Variants in CRACDL observed in about 807,000 individuals in gnomAD.
CRACDL encodes the protein CRACD like, also known as CRACD-like protein.
A neutral mutation model predicts 70.6 loss-of-function variants in CRACDL; 26 were observed. The observed-to-expected ratio is 0.37, with a 90% CI of 0.27 to 0.51. CRACDL has a LOEUF of 0.51. CRACDL is among the 20% of genes least tolerant of loss of function. The pLI is 0.94. For missense variants in CRACDL, 1,283 were observed against 1,376.9 expected (o/e 0.93, Z 1.08); for synonymous variants, 618 against 615.2 (o/e 1.00, Z -0.07).
At chr2:98,850,758 C>T (rs1000123827) in intron 1 of CRACDL, among the ~76,000 whole-genome samples, 1 of 152,210 alleles carries the variant, frequency 6.6e-6, no homozygotes, top group African/African-American at 2.4e-5. Context: ...TCTGGGCACC[C>T]ACAGAATCCA....
chr2:98,915,280 A>G (rs1298246868), intron 1 of CRACDL, among the ~76,000 whole-genome samples: 1 of 152,232 alleles, frequency 6.6e-6, no homozygotes, highest in Non-Finnish European at 1.5e-5. Flanking sequence ...GGAACAGCAC[A>G]GGCTAAGTCC....
At chr2:98,892,815 T>C (rs1708013527) in intron 1 of CRACDL, among the ~76,000 whole-genome samples, 1 of 152,214 alleles carries the variant, frequency 6.6e-6, no homozygotes, top group South Asian at 2.1e-4. Context: ...TATATGTAAA[T>C]GTAGCCAGTG....
chr2:98,917,074 C>T (rs1708684925), intron 1 of CRACDL, among the ~76,000 whole-genome samples: 1 of 152,226 alleles, frequency 6.6e-6, no homozygotes, highest in South Asian at 2.1e-4. Flanking sequence ...CATGGGCCTT[C>T]TTCTCCCTCC....
intron 9 of CRACDL, among the ~76,000 whole-genome samples, chr2:98,795,394 G>T (rs1215030318): frequency 6.6e-6 from 1 of 151,914 alleles, no homozygotes; most frequent in Non-Finnish European, 1.5e-5. Flanking sequence ...TTTAAATACT[G>T]ATACATGCAA....
intron 2 of CRACDL, among the ~76,000 whole-genome samples, chr2:98,846,122 A>AT (rs1056909637): frequency 1.3e-5 from 2 of 152,160 alleles, no homozygotes; most frequent in African/African-American, 2.4e-5. Flanking sequence ...GGGGAGATTA[A>AT]TTTTTTAATG....
At chr2:98,901,754 AC>A (rs887880871) in intron 1 of CRACDL, among the ~76,000 whole-genome samples, 4 of 152,058 alleles carry the variant, frequency 2.6e-5, no homozygotes, top group African/African-American at 7.3e-5. Flanking sequence ...AATTGAGTGA[AC>A]CCCCCTGGGT....
At position 98,801,502 on chromosome 2, in the gene CRACDL, TAGG is replaced by T. The variant is rs1417299942; in HGVS notation, c.2417-3968_2417-3966del. 1.2e-4 allele frequency among the ~76,000 whole-genome samples: 18 copies of T among 152,366 alleles called. 1 individual carries two copies. In the South Asian group the frequency reaches 3.1e-3, roughly 26 times the overall value. On this transcript the variant is annotated intron_variant, in intron 7 of 9. Transcript: ENST00000397899. ...GCCACTCTGCTCTGTGGCAGGGGCC[TAGG>T]AGGCCTCTCTGAACTGTATGCTTGT...
chr2:98,862,620 G>T (rs528059850), intron 1 of CRACDL, among the ~76,000 whole-genome samples: 4 of 152,252 alleles, frequency 2.6e-5, no homozygotes, highest in African/African-American at 7.2e-5. Flanking sequence ...AATCTGGGAG[G>T]TGAAAAGAAC....
At chr2:98,829,651 G>A (rs1186464447) in intron 5 of CRACDL, among the ~76,000 whole-genome samples, 3 of 152,186 alleles carry the variant, frequency 2.0e-5, no homozygotes, top group African/African-American at 7.2e-5. Flanking sequence ...TCTAGCATGT[G>A]TCTCTCTGTT....
At chr2:98,895,312 G>A (rs1204805387) in intron 1 of CRACDL, among the ~76,000 whole-genome samples, 1 of 152,184 alleles carries the variant, frequency 6.6e-6, no homozygotes, top group Admixed American at 6.5e-5. Flanking sequence ...ACACACAGTT[G>A]GGCAGGTGCT....
At chr2:98,925,077 C>A (rs1385974081) in intron 1 of CRACDL, among the ~76,000 whole-genome samples, 1 of 152,198 alleles carries the variant, frequency 6.6e-6, no homozygotes, top group African/African-American at 2.4e-5. Context: ...CCTTCCCCTT[C>A]TCTCCTGTGG....
intron 9 of CRACDL, among the ~76,000 whole-genome samples, chr2:98,795,356 G>A (rs1006254076): frequency 1.3e-5 from 2 of 151,948 alleles, no homozygotes; most frequent in African/African-American, 2.4e-5. Flanking sequence ...GATTACAAGC[G>A]TAAGCCATGG....
At position 98,865,175 on chromosome 2, in the gene CRACDL, C is replaced by T. The variant is rs548304919; in HGVS notation, c.-10-18365G>A. Among the ~76,000 whole-genome samples, 134 of 152,184 alleles carry T rather than the reference C, an allele frequency of 8.8e-4. 1 individual carries two copies. The highest frequency in any genetic ancestry group is 3.0e-3 in the African/African-American group (125 of 41,532). On this transcript the variant is annotated intron_variant, in intron 1 of 9. Transcript: ENST00000397899. ...TGCTCTCCCTCCACCAATAGCACTC[C>T]GTTTCCTTCCAGCTTGGAGCCTTTG...
intron 1 of CRACDL, among the ~76,000 whole-genome samples, chr2:98,894,377 C>T (rs748340396): frequency 1.3e-5 from 2 of 151,848 alleles, no homozygotes; most frequent in African/African-American, 4.8e-5. Context: ...AACACAACCA[C>T]ACCACATAAA....
At chr2:98,894,855 C>T (rs898117654) in intron 1 of CRACDL, among the ~76,000 whole-genome samples, 1 of 152,064 alleles carries the variant, frequency 6.6e-6, no homozygotes, top group African/African-American at 2.4e-5. Context: ...TCTGTAATCT[C>T]AGCACTTTGG....
Position 98,936,046 on chromosome 2 carries a change from C to A in CRACDL, c.-119G>T, listed in dbSNP as rs1307639663. 4 of 152,008 alleles carry A rather than the reference C, an allele frequency of 2.6e-5. No individual in the cohort carries two copies. The highest frequency in any genetic ancestry group is 9.7e-5 in the African/African-American group (4 of 41,442). The allele number at this position is 152,008 out of a possible 1,614,324, so 9.4% of individuals were successfully genotyped here. On this transcript the variant is annotated 5_prime_UTR_variant, in exon 1 of 10. Transcript: ENST00000397899. ...CGCCGCGGTGCGCGTCTAGCCCCAG[C>A]CCAAAGCCGGGGCGACGCAGCAGGT...
intron 1 of CRACDL, among the ~76,000 whole-genome samples, chr2:98,929,192 G>T (rs908361686): frequency 6.6e-6 from 1 of 152,222 alleles, no homozygotes; most frequent in Non-Finnish European, 1.5e-5. Context: ...GGAGCCAGGA[G>T]GGAGGTGTTA....
chr2:98,856,803 G>A (rs1354556001), intron 1 of CRACDL, among the ~76,000 whole-genome samples: 1 of 152,174 alleles, frequency 6.6e-6, no homozygotes, highest in Non-Finnish European at 1.5e-5. Flanking sequence ...GCAACCAGGT[G>A]TACCAGTGTG....
At chr2:98,847,408 C>T (rs1224786178) in intron 1 of CRACDL, among the ~76,000 whole-genome samples, 2 of 152,060 alleles carry the variant, frequency 1.3e-5, no homozygotes, top group Admixed American at 6.5e-5. Flanking sequence ...TTTTTGAATG[C>T]AATGAAAAAT....
Sources: allele counts gnomAD v4.1 joint callset (sites outside exome capture counted in the v4.1 genomes callset), GRCh38; gene constraint gnomAD v4.1.1; transcripts MANE v1.5; gene names NCBI Gene and HGNC (gene_info 2026-07-23, HGNC 2026-07-21).